Variants in FSTL5 observed in about 807,000 individuals in gnomAD.
FSTL5 encodes the protein follistatin-related protein 5.
In FSTL5, 62 loss-of-function variants were observed where a neutral mutation model predicts 89.1. That is an observed-to-expected ratio of 0.70 (90% CI 0.57 to 0.86). The LOEUF is 0.86. FSTL5 is among the 40% of genes least tolerant of loss of function. FSTL5 has a pLI of 0.00. For missense variants in FSTL5, 1,057 were observed against 1,001.6 expected (o/e 1.06, Z -0.75); for synonymous variants, 383 against 346.2 (o/e 1.11, Z -1.18).
chr4:161,850,189 AG>A (rs1191069298), intron 4 of FSTL5, among the ~76,000 whole-genome samples: 1 of 152,174 alleles, frequency 6.6e-6, no homozygotes, highest in Admixed American at 6.6e-5. Flanking sequence ...ACTATAACTT[AG>A]GGAAAGGATG....
intron 5 of FSTL5, among the ~76,000 whole-genome samples, chr4:161,768,422 A>G (rs1741092115): frequency 6.6e-6 from 1 of 152,054 alleles, no homozygotes; most frequent in South Asian, 2.1e-4. Flanking sequence ...GTTTTGCATA[A>G]TAAGGAATTT....
intron 2 of FSTL5, among the ~76,000 whole-genome samples, chr4:162,096,490 C>T (rs1034664971): frequency 6.6e-6 from 1 of 151,778 alleles, no homozygotes; most frequent in Non-Finnish European, 1.5e-5. Context: ...GCTCAACCTT[C>T]TGTTTGTCTT....
chr4:162,105,460 C>T (rs576683712), intron 2 of FSTL5, among the ~76,000 whole-genome samples: 20 of 151,948 alleles, frequency 1.3e-4, no homozygotes, highest in Non-Finnish European at 2.4e-4. Context: ...ATAAAATATA[C>T]GGAACTATTA....
chr4:161,920,349 T>C, intron 4 of FSTL5, 55 bp downstream of exon 4: 1 of 1,561,190 alleles, frequency 6.4e-7, no homozygotes, highest in East Asian at 2.2e-5. Flanking sequence ...AAGGCACTAG[T>C]TGAGAAAGAA....
chr4:161,707,284 T>A (rs554695814), intron 6 of FSTL5, among the ~76,000 whole-genome samples: 1 of 151,858 alleles, frequency 6.6e-6, no homozygotes, highest in Non-Finnish European at 1.5e-5. Flanking sequence ...TTAAATATAG[T>A]TTCTTGGACA....
chr4:161,522,644 T>C (rs1731079679), intron 10 of FSTL5, among the ~76,000 whole-genome samples: 1 of 151,530 alleles, frequency 6.6e-6, no homozygotes, highest in Admixed American at 6.6e-5. Context: ...AGAAAAATTA[T>C]CAGATTTTTA....
chr4:161,468,518 T>C (rs1733826904), intron 13 of FSTL5, among the ~76,000 whole-genome samples: 1 of 152,190 alleles, frequency 6.6e-6, no homozygotes, highest in Admixed American at 6.5e-5. Flanking sequence ...GTTGAGAATG[T>C]ACTGTTATTC....
intron 3 of FSTL5, among the ~76,000 whole-genome samples, chr4:161,961,505 CATCACAT>C (rs1268854837): frequency 7.1e-6 from 1 of 140,224 alleles, no homozygotes; most frequent in African/African-American, 2.7e-5. Flanking sequence ...ATGTTATATA[CATCACAT>C]TACTCTAGAA....
Position 161,608,119 on chromosome 4 carries a change from T to C in FSTL5, c.895-20544A>G, listed in dbSNP as rs187903102. Among the ~76,000 whole-genome samples the C allele has an allele frequency of 7.6e-3, 1,162 of 152,274 alleles. 6 individuals carry two copies. The highest frequency in any genetic ancestry group is 0.027 in the South Asian group (128 of 4,828). On this transcript the variant is annotated intron_variant, in intron 7 of 15. Coordinates refer to ENST00000306100, the MANE Select transcript of FSTL5 (RefSeq NM_020116.5). ...TATGCCCAATGGGAATTAAAACATC[T>C]GCTCACTCTACCTCACAAGTAGATA...
chr4:161,793,938 C>T (rs11935215), intron 4 of FSTL5, among the ~76,000 whole-genome samples: 16 of 152,090 alleles, frequency 1.1e-4, no homozygotes, highest in Admixed American at 3.3e-4. Flanking sequence ...GGATATAATA[C>T]GGATATTACA....
chr4:161,711,245 A>G (rs1738765858), intron 6 of FSTL5, among the ~76,000 whole-genome samples: 1 of 152,062 alleles, frequency 6.6e-6, no homozygotes, highest in East Asian at 1.9e-4. Flanking sequence ...TTTTAATAAG[A>G]TCAATACAGT....
chr4:161,471,205 G>A lies in FSTL5; in HGVS notation c.1608+9815C>T, dbSNP rs116696534. ...CATTGTTGAATTTTTTCCCACATGG[G>A]TTTTATATGTTGCCATAGTTTCTTC... On this transcript the variant is annotated intron_variant, in intron 13 of 15. Transcript: ENST00000306100. Among the ~76,000 whole-genome samples, 498 of 152,288 alleles carry A rather than the reference G, an allele frequency of 3.3e-3. 4 individuals carry two copies. The highest frequency in any genetic ancestry group is 0.011 in the African/African-American group (439 of 41,568).
chr4:161,783,166 C>A (rs972656808), intron 4 of FSTL5, among the ~76,000 whole-genome samples: 12 of 152,118 alleles, frequency 7.9e-5, no homozygotes, highest in African/African-American at 2.7e-4. Context: ...TTTTACCCCC[C>A]AAAAATACAA....
At chr4:161,686,950 A>G (rs1737767233) in intron 6 of FSTL5, among the ~76,000 whole-genome samples, 1 of 152,192 alleles carries the variant, frequency 6.6e-6, no homozygotes, top group Non-Finnish European at 1.5e-5. Flanking sequence ...AAACTGGACA[A>G]TGATCCTATG....
At chr4:161,494,493 GA>G (rs1432879366) in intron 12 of FSTL5, among the ~76,000 whole-genome samples, 1 of 152,184 alleles carries the variant, frequency 6.6e-6, no homozygotes, top group Non-Finnish European at 1.5e-5. Flanking sequence ...AACAACAGCA[GA>G]GAAAGAAATG....
chr4:161,575,315 T>A (rs567450721), intron 8 of FSTL5, among the ~76,000 whole-genome samples: 2 of 152,280 alleles, frequency 1.3e-5, no homozygotes, highest in African/African-American at 4.8e-5. Flanking sequence ...CTTTGATGAG[T>A]TTATTTTGCT....
chr4:161,622,026 A>C (rs2126647090), intron 7 of FSTL5, among the ~76,000 whole-genome samples: 1 of 151,948 alleles, frequency 6.6e-6, no homozygotes, highest in South Asian at 2.1e-4. Context: ...AAATAAAAAT[A>C]CTAGTATTAG....
chr4:161,862,637 C>G (rs147886310), intron 4 of FSTL5, among the ~76,000 whole-genome samples: 1,820 of 152,204 alleles, frequency 0.012, 26 homozygotes, highest in African/African-American at 0.042. Context: ...GAGGCTGAGG[C>G]AGGAGAATCA....
Position 161,661,413 on chromosome 4 carries a change from C to T in FSTL5, c.728-4919G>A, listed in dbSNP as rs535615531. 1.3e-4 allele frequency among the ~76,000 whole-genome samples: 20 copies of T among 151,888 alleles called. No homozygotes were observed. The South Asian group carries it at 4.2e-3, about 32-fold the overall frequency. ...TGTTTCCTAATAATGGGTATTTTAC[C>T]TCTCTCTACTTCAGTAAAGAAATTG... is the stretch of plus-strand genomic sequence containing the variant. On this transcript the variant is annotated intron_variant, in intron 6 of 15. Coordinates refer to ENST00000306100, the MANE Select transcript of FSTL5 (RefSeq NM_020116.5).
Sources: allele counts gnomAD v4.1 joint callset (sites outside exome capture counted in the v4.1 genomes callset), GRCh38; gene constraint gnomAD v4.1.1; transcripts MANE v1.5; gene names NCBI Gene and HGNC (gene_info 2026-07-23, HGNC 2026-07-21).